Variants in SLC4A11 observed in about 807,000 individuals in gnomAD.
SLC4A11 encodes the protein solute carrier family 4 member 11, also known as bicarbonate transporter related protein 1.
SLC4A11 carries 74 observed loss-of-function variants against 95.0 expected under a neutral mutation model. The ratio of observed to expected loss-of-function variants is 0.78; its 90% confidence interval spans 0.65 to 0.95. The LOEUF (loss-of-function observed/expected upper bound fraction) is 0.95. Among genes scored for constraint, SLC4A11 ranks in the 40% least tolerant of loss-of-function variants. The pLI, the probability that SLC4A11 is intolerant of heterozygous loss-of-function variation, is 0.00. For synonymous variants in SLC4A11, 548 were observed against 519.0 expected (o/e 1.06, Z -0.76); for missense variants, 1,081 against 1,192.4 (o/e 0.91, Z 1.38).
At chr20:3,238,650 A>T in intron 1 of SLC4A11, 2 of 994,000 alleles carry the variant, frequency 2.0e-6, no homozygotes, top group Non-Finnish European at 2.4e-6. Flanking sequence ...GACTCCCAAA[A>T]CTCCAGGGGT....
At chr20:3,235,307 T>TCACACACACA (rs1425800280) in intron 2 of SLC4A11, among the ~76,000 whole-genome samples, 3 of 110,888 alleles carry the variant, frequency 2.7e-5, no homozygotes, top group Non-Finnish European at 5.5e-5. Context: ...TCTCTCTCTC[T>TCACACACACA]CTCACACACA....
chr20:3,237,708 A>C lies in SLC4A11; in HGVS notation c.44-120T>G. On this transcript the variant is annotated intron_variant, in intron 1 of 19. Coordinates refer to ENST00000642402, the MANE Select transcript of SLC4A11 (RefSeq NM_001174089.2). Reference sequence around the variant, plus strand: ...TTCGCTCTTCCGAGGGATGCAACCCACGCCACCCTAGGGAGAAAGGGAAGC... The same window carrying C: ...TTCGCTCTTCCGAGGGATGCAACCCCCGCCACCCTAGGGAGAAAGGGAAGC... 4.3e-6 allele frequency: 7 copies of C among 1,613,896 alleles called. No homozygotes were observed. In the South Asian group the frequency reaches 7.7e-5, roughly 18 times the overall value.
chr20:3,231,078 GA>G lies in SLC4A11; in HGVS notation c.1043-21del. 2 of 1,587,804 alleles carry G rather than the reference GA, an allele frequency of 1.3e-6. No individual in the cohort carries two copies. Among genetic ancestry groups the G allele is most frequent in the African/African-American group, 3.9e-5 (2 of 50,912 alleles). On this transcript the variant is annotated intron_variant, in intron 9 of 19. Coordinates refer to ENST00000642402, the MANE Select transcript of SLC4A11 (RefSeq NM_001174089.2). This position sits in a 1 kb window ranked among gnomAD's most constrained non-coding sequence, Gnocchi z 5.2. Reference sequence around the variant, plus strand: ...TAATGCCTAGGAATGGGGGATGGGAGAGAGGGTTTGCTGGGGATGCAGGACA... The same window carrying G: ...TAATGCCTAGGAATGGGGGATGGGAGGAGGGTTTGCTGGGGATGCAGGACA...
chr20:3,230,632 C>G lies in SLC4A11; in HGVS notation c.1298G>C (p.Cys433Ser). 6.2e-7 allele frequency: 1 copy of G among 1,613,668 alleles called. No homozygotes were observed. The part of the protein sequence containing the change: ...ALYIQVIRVI[C>S]DDYDLDFNSF... ...GTTGAAGTCCAGGTCATAGTCATCA[C>G]AGATGACACGAATCACTGCAGGCAG... Residue 433 changes from cysteine (C) to serine (S), a missense_variant, in exon 12 of 20, where the codon TGT becomes TCT. Coordinates refer to ENST00000642402, the MANE Select transcript of SLC4A11 (RefSeq NM_001174089.2).
At position 3,231,078 on chromosome 20, in the gene SLC4A11, G is replaced by C. The variant is rs910347922; in HGVS notation, c.1043-20C>G. 6.3e-7 allele frequency: 1 copy of C among 1,587,752 alleles called. No homozygotes were observed. Among genetic ancestry groups the C allele is most frequent in the Non-Finnish European group, 8.5e-7 (1 of 1,179,742 alleles). On this transcript the variant is annotated intron_variant, in intron 9 of 19. Coordinates refer to ENST00000642402, the MANE Select transcript of SLC4A11 (RefSeq NM_001174089.2). This position sits in a 1 kb window ranked among gnomAD's most constrained non-coding sequence, Gnocchi z 5.2. ...TAATGCCTAGGAATGGGGGATGGGA[G>C]AGAGGGTTTGCTGGGGATGCAGGAC...
intron 17 of SLC4A11, 21 bp from the exon 18 acceptor site, chr20:3,228,728 A>G (rs2122506323): frequency 6.2e-7 from 1 of 1,612,556 alleles, no homozygotes; most frequent in East Asian, 2.2e-5. Context: ...CCGAGCCGCG[A>G]GTGTCACCTC....
In SLC4A11 at chr20:3,233,954, CCT is replaced by C. The variant is rs762596098; in HGVS notation, c.570_571del (p.Val192AlafsTer38). ...GAGCCACGACTGCTGGTACCGCACCCCTGTCACTGTGGCGGTGACCCCTTGGA... is the reference window on the plus strand; with the variant it reads ...GAGCCACGACTGCTGGTACCGCACCCGTCACTGTGGCGGTGACCCCTTGGA... On this transcript the variant is annotated frameshift_variant, in exon 6 of 20. Coordinates refer to ENST00000642402, the MANE Select transcript of SLC4A11 (RefSeq NM_001174089.2). LOFTEE classifies it high-confidence loss of function. 11 of 1,613,676 alleles carry C rather than the reference CCT, an allele frequency of 6.8e-6. No homozygotes were observed. Among genetic ancestry groups the C allele is most frequent in the African/African-American group, 1.3e-5 (1 of 74,914 alleles).
chr20:3,236,928 C>A (rs916134419), intron 2 of SLC4A11, among the ~76,000 whole-genome samples: 2 of 152,170 alleles, frequency 1.3e-5, no homozygotes, highest in African/African-American at 4.8e-5. Context: ...CAGCCCCATA[C>A]GTAACCTGCC....
chr20:3,234,991 C>T lies in SLC4A11; in HGVS notation c.89-97G>A, dbSNP rs867642395. On this transcript the variant is annotated intron_variant, in intron 2 of 19. Coordinates refer to ENST00000642402, the MANE Select transcript of SLC4A11 (RefSeq NM_001174089.2). The surrounding 1 kb of genome is among the most constrained non-coding windows in gnomAD (Gnocchi z 5.8). ...AGGGAGCAGGGACCCCTGGACTGTC[C>T]CACTCTCGGGCCGTGGTGGGAGAGG... 17 of 1,505,384 alleles carry T rather than the reference C, an allele frequency of 1.1e-5. No homozygotes were observed. In the Middle Eastern group the frequency reaches 1.0e-3, roughly 92 times the overall value. The allele number at this position is 1,505,384 out of a possible 1,614,324, so 93.3% of individuals were successfully genotyped here.
intron 19 of SLC4A11, 106 bp downstream of exon 19, chr20:3,228,153 C>CCAAAA: frequency 4.9e-6 from 5 of 1,017,544 alleles, no homozygotes; most frequent in Non-Finnish European, 4.4e-6. Context: ...CCAACCCGCC[C>CCAAAA]ATTCTCCGCC....
intron 1 of SLC4A11, chr20:3,238,273 T>G: frequency 1.6e-6 from 2 of 1,241,990 alleles, no homozygotes; most frequent in Non-Finnish European, 1.0e-6. Context: ...CCCCGGATGG[T>G]CCCGGCTGTT....
chr20:3,231,612 G>T lies in SLC4A11; in HGVS notation c.730-64C>A. On this transcript the variant is annotated intron_variant, in intron 7 of 19. Coordinates refer to ENST00000642402, the MANE Select transcript of SLC4A11 (RefSeq NM_001174089.2). This position sits in a 1 kb window ranked among gnomAD's most constrained non-coding sequence, Gnocchi z 5.2. ...GAGGCCCTGCCCGGGCCGAGCAGGT[G>T]AAGGTGCTCTCCCCATGAACTGGCA... 6.8e-7 allele frequency: 1 copy of T among 1,476,228 alleles called. No homozygotes were observed. Among genetic ancestry groups the T allele is most frequent in the Non-Finnish European group, 9.5e-7 (1 of 1,057,206 alleles). The allele number at this position is 1,476,228 out of a possible 1,614,324, so 91.4% of individuals were successfully genotyped here.
Position 3,231,356 on chromosome 20 carries a change from A to T in SLC4A11, c.922T>A (p.Ser308Thr). The T allele has an allele frequency of 6.2e-7, 1 of 1,613,494 alleles. No individual in the cohort carries two copies. The highest frequency in any genetic ancestry group is 8.5e-7 in the Non-Finnish European group (1 of 1,179,900). The part of the protein sequence containing the change: ...APRTKERSTV[S>T]LPAHRHPEPP... ...TCTGGGTGTCTGTGGGCAGGGAGGG[A>T]GACTGTGCTGCGTTCCTTCGTTCTC... Residue 308 changes from serine to threonine, a missense_variant, in exon 8 of 20, where the codon TCC (serine) becomes ACC (threonine). Around this residue, in one of 3 missense-constraint regions of SLC4A11, gnomAD observed 767 missense variants for 858.0 expected, o/e 0.89. Transcript: ENST00000642402. The surrounding 1 kb of genome is among the most constrained non-coding windows in gnomAD (Gnocchi z 5.2).
Position 3,234,210 on chromosome 20 carries a change from C to T in SLC4A11, c.396G>A (p.Leu132=). The change falls in exon 5 of 20, where the codon CTG becomes CTA. Residue 132 remains leucine (L), a synonymous_variant. Transcript: ENST00000642402. This position sits in a 1 kb window ranked among gnomAD's most constrained non-coding sequence, Gnocchi z 5.8. ...SIVLNETATS[L]DNVLRTMLRR... The stretch of plus-strand genomic sequence containing the variant: ...GAAGCATGGTCCGCAGCACGTTATC[C>T]AGGGAGGTGGCCGTCTCGTTCAGGA... 6.2e-7 allele frequency: 1 copy of T among 1,614,126 alleles called. No homozygotes were observed. The highest frequency in any genetic ancestry group is 8.5e-7 in the Non-Finnish European group (1 of 1,180,028).
At chr20:3,235,732 C>T (rs1025104083) in intron 2 of SLC4A11, among the ~76,000 whole-genome samples, 1 of 152,038 alleles carries the variant, frequency 6.6e-6, no homozygotes, top group Non-Finnish European at 1.5e-5. Flanking sequence ...TATTCCTCTG[C>T]CCTGAGCCCT....
chr20:3,228,227 GC>G, intron 19 of SLC4A11, 31 bp downstream of exon 19: 2 of 1,607,418 alleles, frequency 1.2e-6, no homozygotes, highest in South Asian at 1.1e-5. Context: ...CCTAGACTGG[GC>G]CCCTCCTGCC....
rs2122613588 is a variant in SLC4A11, at chr20:3,234,906, C to G, written c.89-12G>C. 6.2e-7 allele frequency: 1 copy of G among 1,613,724 alleles called. No individual in the cohort carries two copies. Among genetic ancestry groups the G allele is most frequent in the South Asian group, 1.1e-5 (1 of 91,074 alleles). On this transcript the variant is annotated splice_polypyrimidine_tract_variant and intron_variant, in intron 2 of 19. Transcript: ENST00000642402. The surrounding 1 kb of genome is among the most constrained non-coding windows in gnomAD (Gnocchi z 5.8). ...ACACTTGTAGTAGCCTAGAGACCCC[C>G]AAGAGCAAGAGGGCCTGGCTGTTAA...
chr20:3,237,481 A>G (rs60867877), intron 2 of SLC4A11, 63 bp downstream of exon 2: 125,022 of 1,542,286 alleles, frequency 0.081, 5,632 homozygotes, highest in African/African-American at 0.11. Flanking sequence ...TAGGCTATGC[A>G]CCCTGGAGGC....
intron 2 of SLC4A11, among the ~76,000 whole-genome samples, chr20:3,235,307 TCTCACACA>T (rs1199755906): frequency 1.7e-3 from 191 of 110,966 alleles, no homozygotes; most frequent in East Asian, 3.9e-3. Context: ...TCTCTCTCTC[TCTCACACA>T]CACACACACA....
Sources: allele counts gnomAD v4.1 joint callset (sites outside exome capture counted in the v4.1 genomes callset), GRCh38; gene constraint gnomAD v4.1.1; regional missense constraint gnomAD v4.1.1; non-coding constraint Gnocchi (gnomAD v3.1); transcripts MANE v1.5; gene names NCBI Gene and HGNC (gene_info 2026-07-23, HGNC 2026-07-21).